ST6GAL1: variants seen among roughly 807,000 people sequenced by gnomAD.
The protein encoded by ST6GAL1 is ST6 beta-galactoside alpha-2,6-sialyltransferase 1, also known as beta-galactoside alpha-2,6-sialyltransferase 1.
ST6GAL1 carries 20 observed loss-of-function variants against 38.0 expected under a neutral mutation model. That is an observed-to-expected ratio of 0.53 (90% CI 0.37 to 0.77). ST6GAL1 has a LOEUF of 0.77. Among genes scored for constraint, ST6GAL1 ranks in the 30% least tolerant of loss-of-function variants. The pLI is 0.00. For synonymous variants in ST6GAL1, 196 were observed against 188.2 expected (o/e 1.04, Z -0.34); for missense variants, 432 against 496.4 (o/e 0.87, Z 1.23).
At chr3:187,045,888 C>G (rs1718277298) in intron 4 of ST6GAL1, among the ~76,000 whole-genome samples, 1 of 152,144 alleles carries the variant, frequency 6.6e-6, no homozygotes, top group Non-Finnish European at 1.5e-5. Flanking sequence ...TTGGGCATCA[C>G]AAATAATCCT....
intron 3 of ST6GAL1, among the ~76,000 whole-genome samples, chr3:187,040,576 A>AT (rs1163062146): frequency 3.3e-5 from 5 of 152,206 alleles, no homozygotes; most frequent in Admixed American, 6.5e-5. Context: ...TATCTCTATC[A>AT]TAGTGTTGTA....
intron 2 of ST6GAL1, among the ~76,000 whole-genome samples, chr3:187,036,419 A>G (rs533641487): frequency 6.6e-6 from 1 of 152,376 alleles, no homozygotes; most frequent in African/African-American, 2.4e-5. Flanking sequence ...AAAAGGAAAT[A>G]AATGTTTCTA....
chr3:187,075,917 G>A lies in ST6GAL1; in HGVS notation c.*114G>A. 10 of 1,471,890 alleles carry A rather than the reference G, an allele frequency of 6.8e-6. No individual in the cohort carries two copies. The highest frequency in any genetic ancestry group is 1.4e-5 in the South Asian group (1 of 72,924). The allele number at this position is 1,471,890 out of a possible 1,614,324, so 91.2% of individuals were successfully genotyped here. ...CCAGCCTGCTCCTTTTACTCTAGGG[G>A]CCTCTGTCAGCAAGACCATGGGGAC... On this transcript the variant is annotated 3_prime_UTR_variant, in exon 8 of 8. Coordinates refer to ENST00000169298, the MANE Select transcript of ST6GAL1 (RefSeq NM_173216.2). This position sits in a 1 kb window ranked among gnomAD's most constrained non-coding sequence, Gnocchi z 4.1.
chr3:186,948,528 A>T (rs866380945), intron 1 of ST6GAL1, among the ~76,000 whole-genome samples: 30 of 146,236 alleles, frequency 2.1e-4, no homozygotes, highest in African/African-American at 7.4e-4. Context: ...CAGAAACTCT[A>T]GTGTGTGTGT....
At chr3:186,937,092 TA>T (rs1713988040) in intron 1 of ST6GAL1, among the ~76,000 whole-genome samples, 1 of 152,128 alleles carries the variant, frequency 6.6e-6, no homozygotes, top group African/African-American at 2.4e-5. Context: ...CTTTTTTTTT[TA>T]AATGGATATA....
chr3:187,071,776 C>CAAAAAAAAA (rs11330261), intron 5 of ST6GAL1, among the ~76,000 whole-genome samples: 3 of 72,336 alleles, frequency 4.1e-5, no homozygotes, highest in East Asian at 4.6e-4. Context: ...GACTCCGCCT[C>CAAAAAAAAA]AAAAAAAAAA....
intron 2 of ST6GAL1, among the ~76,000 whole-genome samples, chr3:187,013,452 G>T (rs1257920801): frequency 6.6e-6 from 1 of 152,180 alleles, no homozygotes; most frequent in Non-Finnish European, 1.5e-5. Context: ...CTGGTTTCAG[G>T]CTTTTTCTAT....
chr3:186,947,402 T>C (rs1486262332), intron 1 of ST6GAL1, among the ~76,000 whole-genome samples: 1 of 152,206 alleles, frequency 6.6e-6, no homozygotes, highest in Non-Finnish European at 1.5e-5. Flanking sequence ...CTGTGCTGCC[T>C]GCACAGCCAT....
rs1719518019 is a variant in ST6GAL1 at position 187,075,142 on chromosome 3, A to G, written c.980-420A>G. 6.6e-6 allele frequency among the ~76,000 whole-genome samples: 1 copy of G among 152,196 alleles called. No individual in the cohort carries two copies. Among genetic ancestry groups the G allele is most frequent in the East Asian group, 1.9e-4 (1 of 5,192 alleles). Reference sequence around the variant, plus strand: ...ATCTGCTCCCAAATAGCACCATCCAAGAGGTTCTGCAGGATGTCACAGTGC... The same window carrying G: ...ATCTGCTCCCAAATAGCACCATCCAGGAGGTTCTGCAGGATGTCACAGTGC... On this transcript the variant is annotated intron_variant, in intron 7 of 7. Coordinates refer to ENST00000169298, the MANE Select transcript of ST6GAL1 (RefSeq NM_173216.2). This position sits in a 1 kb window ranked among gnomAD's most constrained non-coding sequence, Gnocchi z 4.1.
chr3:186,961,172 C>T (rs1297737087), intron 1 of ST6GAL1, among the ~76,000 whole-genome samples: 1 of 152,074 alleles, frequency 6.6e-6, no homozygotes, highest in East Asian at 1.9e-4. Context: ...GACAGGGTTT[C>T]ACCATGTTGA....
At chr3:187,049,358 C>G (rs1718431392) in intron 4 of ST6GAL1, among the ~76,000 whole-genome samples, 1 of 152,196 alleles carries the variant, frequency 6.6e-6, no homozygotes, top group Non-Finnish European at 1.5e-5. Flanking sequence ...GTATCTTTCT[C>G]TTGACTGAAG....
At chr3:186,932,994 T>C (rs1713812968) in intron 1 of ST6GAL1, among the ~76,000 whole-genome samples, 1 of 152,210 alleles carries the variant, frequency 6.6e-6, no homozygotes, top group African/African-American at 2.4e-5. Context: ...CCTAGGCAGA[T>C]AGGGTCAGGT....
chr3:187,027,593 G>A (rs1055922500), intron 2 of ST6GAL1, among the ~76,000 whole-genome samples: 14 of 151,998 alleles, frequency 9.2e-5, no homozygotes, highest in African/African-American at 2.7e-4. Context: ...GTTTTATTCC[G>A]GCCCCCCTTC....
chr3:186,968,479 A>T (rs1715228236), intron 2 of ST6GAL1, among the ~76,000 whole-genome samples: 1 of 152,108 alleles, frequency 6.6e-6, no homozygotes, highest in Non-Finnish European at 1.5e-5. Flanking sequence ...GAACATAACG[A>T]TTACCCCTAA....
chr3:186,967,366 AT>A (rs1715178038), intron 2 of ST6GAL1, among the ~76,000 whole-genome samples: 1 of 152,070 alleles, frequency 6.6e-6, no homozygotes. Flanking sequence ...TAATTTTTGT[AT>A]TTTTAGTAGA....
At chr3:186,999,759 G>T (rs190984840) in intron 2 of ST6GAL1, among the ~76,000 whole-genome samples, 1 of 152,124 alleles carries the variant, frequency 6.6e-6, no homozygotes, top group Non-Finnish European at 1.5e-5. Flanking sequence ...GGCCATGTGC[G>T]TGCTCTGGGG....
At chr3:187,073,406 T>G (rs542748915) in intron 6 of ST6GAL1, 278 of 161,328 alleles carry the variant, frequency 1.7e-3, no homozygotes, top group Admixed American at 3.3e-3. Flanking sequence ...ATTTTACAGA[T>G]GGGGAAATTG....
At chr3:186,945,318 A>C (rs1367574653) in intron 1 of ST6GAL1, among the ~76,000 whole-genome samples, 1 of 152,002 alleles carries the variant, frequency 6.6e-6, no homozygotes, top group Non-Finnish European at 1.5e-5. Flanking sequence ...TTTAAAAAAA[A>C]AAAAAAAAAA....
intron 3 of ST6GAL1, among the ~76,000 whole-genome samples, chr3:187,040,983 G>T (rs746298576): frequency 6.6e-6 from 1 of 152,202 alleles, no homozygotes; most frequent in Non-Finnish European, 1.5e-5. Context: ...AGAGCCTGGA[G>T]CTCAGGGCTG....
Sources: allele counts gnomAD v4.1 joint callset (sites outside exome capture counted in the v4.1 genomes callset), GRCh38; gene constraint gnomAD v4.1.1; non-coding constraint Gnocchi (gnomAD v3.1); transcripts MANE v1.5; gene names NCBI Gene and HGNC (gene_info 2026-07-23, HGNC 2026-07-21).